WLS: variants seen among roughly 807,000 people sequenced by gnomAD.
WLS encodes the protein protein wntless homolog.
In WLS, 23 loss-of-function variants were observed where a neutral mutation model predicts 62.8. That is an observed-to-expected ratio of 0.37 (90% CI 0.26 to 0.52). WLS has a LOEUF of 0.52. WLS is among the 20% of genes least tolerant of loss of function. The pLI, the probability that WLS is intolerant of heterozygous loss-of-function variation, is 0.92. For synonymous variants in WLS, 246 were observed against 244.1 expected (o/e 1.01, Z -0.07); for missense variants, 615 against 697.3 (o/e 0.88, Z 1.33).
intron 1 of WLS, among the ~76,000 whole-genome samples, chr1:68,195,606 A>G (rs1648617353): frequency 6.6e-6 from 1 of 152,134 alleles, no homozygotes; most frequent in South Asian, 2.1e-4. Context: ...CCTTTGCCTA[A>G]TATGTTTTGT....
intron 11 of WLS, among the ~76,000 whole-genome samples, chr1:68,099,390 A>G (rs1646049337): frequency 6.6e-6 from 1 of 152,138 alleles, no homozygotes; most frequent in South Asian, 2.1e-4. Flanking sequence ...ATACTCAATA[A>G]AGTTGAGAAG....
At chr1:68,115,670 G>A (rs1235600118) in intron 11 of WLS, among the ~76,000 whole-genome samples, 1 of 152,050 alleles carries the variant, frequency 6.6e-6, no homozygotes, top group East Asian at 1.9e-4. Flanking sequence ...GTTGTTGCTT[G>A]GACATTTGTT....
chr1:68,132,186 G>A (rs1646536331), intron 11 of WLS, among the ~76,000 whole-genome samples: 1 of 152,184 alleles, frequency 6.6e-6, no homozygotes, highest in Non-Finnish European at 1.5e-5. Flanking sequence ...AATAGCCCTG[G>A]GAGAGGCAGG....
At chr1:68,222,006 T>C (rs1257138198) in intron 1 of WLS, among the ~76,000 whole-genome samples, 1 of 152,212 alleles carries the variant, frequency 6.6e-6, no homozygotes, top group African/African-American at 2.4e-5. Context: ...TGCTTTTGTA[T>C]GTAAATTCGA....
intron 2 of WLS, among the ~76,000 whole-genome samples, chr1:68,177,833 G>A (rs1412332319): frequency 2.0e-5 from 3 of 152,134 alleles, no homozygotes; most frequent in Non-Finnish European, 2.9e-5. Context: ...TATGTATCCA[G>A]CACTTACTAT....
intron 1 of WLS, among the ~76,000 whole-genome samples, chr1:68,224,981 T>C (rs1238173294): frequency 6.6e-6 from 1 of 152,174 alleles, no homozygotes; most frequent in Non-Finnish European, 1.5e-5. Flanking sequence ...ATTTACTATC[T>C]CTGCAACCTC....
At chr1:68,136,735 C>G (rs1053697752) in intron 11 of WLS, among the ~76,000 whole-genome samples, 1 of 152,180 alleles carries the variant, frequency 6.6e-6, no homozygotes, top group South Asian at 2.1e-4. Flanking sequence ...GAAGATGCTG[C>G]ATTTTGACTG....
chr1:68,230,588 C>CGTGTGTGTGTGTGT (rs145944948), intron 1 of WLS, among the ~76,000 whole-genome samples: 29 of 149,050 alleles, frequency 1.9e-4, no homozygotes, highest in Non-Finnish European at 2.5e-4. Context: ...TGTGTGCGCG[C>CGTGTGTGTGTGTGT]GTGTGTGTGT....
chr1:68,214,470 T>C (rs187968627), intron 1 of WLS, among the ~76,000 whole-genome samples: 1 of 152,080 alleles, frequency 6.6e-6, no homozygotes, highest in Non-Finnish European at 1.5e-5. Flanking sequence ...TTTCAAGTGA[T>C]TCTCCTGCCT....
Position 68,126,835 on chromosome 1 carries a change from C to T in WLS, c.1517-500G>A, listed in dbSNP as rs185800185. Reference sequence around the variant, plus strand: ...CCAAGACCAATGTGATGGGCTAAACCAGCATAACACCCCTCCCAACGGATG... The same window carrying T: ...CCAAGACCAATGTGATGGGCTAAACTAGCATAACACCCCTCCCAACGGATG... On this transcript the variant is annotated intron_variant, in intron 11 of 11. Transcript: ENST00000262348. Among the ~76,000 whole-genome samples, 210 of 152,182 alleles carry T rather than the reference C, an allele frequency of 1.4e-3. 1 individual carries two copies. Among genetic ancestry groups the T allele is most frequent in the African/African-American group, 4.9e-3 (202 of 41,530 alleles).
At chr1:68,152,869 G>A (rs923281848) in intron 5 of WLS, among the ~76,000 whole-genome samples, 3 of 152,186 alleles carry the variant, frequency 2.0e-5, no homozygotes, top group Non-Finnish European at 4.4e-5. Flanking sequence ...ATCTACAGGA[G>A]CACTGTCTTT....
At chr1:68,174,809 A>G (rs749834513) in intron 2 of WLS, among the ~76,000 whole-genome samples, 2 of 152,150 alleles carry the variant, frequency 1.3e-5, no homozygotes, top group Non-Finnish European at 1.5e-5. Flanking sequence ...CTCCTATCTC[A>G]TCAAATGGTT....
chr1:68,155,468 A>C (rs545853175), intron 3 of WLS, among the ~76,000 whole-genome samples: 6 of 152,346 alleles, frequency 3.9e-5, no homozygotes, highest in East Asian at 1.9e-4. Context: ...ACAACAACAA[A>C]AAACAGCTGT....
intron 2 of WLS, chr1:68,193,733 T>C: frequency 1.8e-6 from 1 of 551,042 alleles, no homozygotes; most frequent in Non-Finnish European, 3.1e-6. Context: ...GGTGCCCAAG[T>C]GTTCCATCTG....
chr1:68,124,622 G>A (rs1646402435), downstream of WLS, among the ~76,000 whole-genome samples: 1 of 152,184 alleles, frequency 6.6e-6, no homozygotes, highest in South Asian at 2.1e-4. Context: ...CACTGCAGTG[G>A]TTGATTGGTA....
At chr1:68,128,959 A>G (rs1375349154) in intron 11 of WLS, among the ~76,000 whole-genome samples, 2 of 151,668 alleles carry the variant, frequency 1.3e-5, no homozygotes, top group African/African-American at 2.4e-5. Context: ...CTTCTTAAAT[A>G]TTCAAGTTTC....
At chr1:68,154,274 G>T (rs544623663) in intron 4 of WLS, among the ~76,000 whole-genome samples, 110 of 152,246 alleles carry the variant, frequency 7.2e-4, no homozygotes, top group Middle Eastern at 3.4e-3. Context: ...AAGGCTACAA[G>T]AGCTTTTTCC....
chr1:68,119,440 G>T (rs1646337769), intron 11 of WLS, among the ~76,000 whole-genome samples: 1 of 152,228 alleles, frequency 6.6e-6, no homozygotes, highest in Non-Finnish European at 1.5e-5. Context: ...TAAAAACAAT[G>T]TAGCAGAGGC....
chr1:68,211,017 T>C (rs1444304744), intron 1 of WLS, among the ~76,000 whole-genome samples: 2 of 152,202 alleles, frequency 1.3e-5, no homozygotes, highest in Non-Finnish European at 2.9e-5. Flanking sequence ...TGCTTTGGCC[T>C]AAAGACTGCA....
Sources: allele counts gnomAD v4.1 joint callset (sites outside exome capture counted in the v4.1 genomes callset), GRCh38; gene constraint gnomAD v4.1.1; transcripts MANE v1.5; gene names NCBI Gene and HGNC (gene_info 2026-07-23, HGNC 2026-07-21).